Variants in KCNIP4 observed in about 807,000 individuals in gnomAD.
The protein encoded by KCNIP4 is potassium voltage-gated channel interacting protein 4.
In KCNIP4, 12 loss-of-function variants were observed where a neutral mutation model predicts 34.0. The ratio of observed to expected loss-of-function variants is 0.35; its 90% confidence interval spans 0.23 to 0.57. The LOEUF (loss-of-function observed/expected upper bound fraction) is 0.57, where lower values mean the gene tolerates loss of function less well. Among genes scored for constraint, KCNIP4 ranks in the 20% least tolerant of loss-of-function variants. KCNIP4 has a pLI of 0.83. For missense variants in KCNIP4, 238 were observed against 311.7 expected (o/e 0.76, Z 1.78); for synonymous variants, 124 against 102.2 (o/e 1.21, Z -1.29).
chr4:21,656,366 T>C (rs906656011), intron 1 of KCNIP4: 1 of 152,190 alleles, frequency 6.6e-6, no homozygotes, highest in Non-Finnish European at 1.5e-5. Flanking sequence ...TCTTCAATGA[T>C]CCTATATTCA....
chr4:21,199,511 T>C (rs1021317636), intron 1 of KCNIP4, among the ~76,000 whole-genome samples: 5 of 152,220 alleles, frequency 3.3e-5, no homozygotes, highest in Non-Finnish European at 7.3e-5. Context: ...TCTCCCATTC[T>C]ATAGGTTGCC....
chr4:21,259,023 C>T (rs1761273438), intron 1 of KCNIP4, among the ~76,000 whole-genome samples: 1 of 152,108 alleles, frequency 6.6e-6, no homozygotes, highest in Non-Finnish European at 1.5e-5. Flanking sequence ...ATGTGAAGGA[C>T]TTACTATTTT....
chr4:21,084,608 C>G, intron 1 of KCNIP4, among the ~76,000 whole-genome samples: 1 of 149,174 alleles, frequency 6.7e-6, no homozygotes, highest in East Asian at 2.0e-4. Context: ...TCCATTCTTA[C>G]TAGCTGGTAC....
chr4:20,903,658 T>C (rs1292697177), intron 1 of KCNIP4, among the ~76,000 whole-genome samples: 1 of 152,166 alleles, frequency 6.6e-6, no homozygotes, highest in Non-Finnish European at 1.5e-5. Flanking sequence ...ATTTGATTGA[T>C]GTCTAATGCC....
intron 1 of KCNIP4, among the ~76,000 whole-genome samples, chr4:21,495,109 T>C (rs1222939249): frequency 6.6e-6 from 1 of 152,192 alleles, no homozygotes; most frequent in Non-Finnish European, 1.5e-5. Flanking sequence ...CTGAACTCCA[T>C]ATCCATCCTT....
At chr4:20,936,610 G>A (rs1731092207) in intron 1 of KCNIP4, among the ~76,000 whole-genome samples, 1 of 151,922 alleles carries the variant, frequency 6.6e-6, no homozygotes, top group Non-Finnish European at 1.5e-5. Context: ...GGTTTACAAT[G>A]TCCATACTCA....
chr4:21,787,972 A>C (rs777438315), intron 1 of KCNIP4, among the ~76,000 whole-genome samples: 2 of 46,392 alleles, frequency 4.3e-5, no homozygotes, highest in Non-Finnish European at 1.1e-4. Context: ...GTAGGAGCAA[A>C]TGAATAAAAA....
intron 3 of KCNIP4, among the ~76,000 whole-genome samples, chr4:20,765,001 A>T (rs1466740709): frequency 6.6e-6 from 1 of 152,194 alleles, no homozygotes; most frequent in African/African-American, 2.4e-5. Flanking sequence ...GAGGACAATG[A>T]GCTTGGAGAG....
intron 1 of KCNIP4, among the ~76,000 whole-genome samples, chr4:21,840,208 C>A (rs1366995244): frequency 2.0e-5 from 3 of 151,432 alleles, no homozygotes; most frequent in African/African-American, 7.3e-5. Flanking sequence ...ATACTAGATA[C>A]AACTGTGCTG....
intron 1 of KCNIP4, among the ~76,000 whole-genome samples, chr4:21,412,979 T>C (rs540349724): frequency 6.6e-6 from 1 of 152,330 alleles, no homozygotes; most frequent in East Asian, 1.9e-4. Flanking sequence ...GCTTCACTGC[T>C]ATAAGCCAGA....
At chr4:20,879,084 T>G (rs1724391463) in intron 2 of KCNIP4, among the ~76,000 whole-genome samples, 1 of 152,094 alleles carries the variant, frequency 6.6e-6, no homozygotes, top group Admixed American at 6.6e-5. Context: ...TGGCTGTGCA[T>G]TCATCCGCAT....
chr4:21,694,957 TTTTTGG>T (rs1712144117), intron 1 of KCNIP4, among the ~76,000 whole-genome samples: 1 of 136,382 alleles, frequency 7.3e-6, no homozygotes, highest in Non-Finnish European at 1.6e-5. Flanking sequence ...AATAAAGGGC[TTTTTGG>T]TAAAAAGAAA....
At chr4:21,304,761 G>C (rs570703548) in intron 1 of KCNIP4, 2 of 152,240 alleles carry the variant, frequency 1.3e-5, no homozygotes, top group South Asian at 4.1e-4. Flanking sequence ...TCTGGTTTGA[G>C]TAGTAACTAT....
chr4:21,764,851 G>T (rs1718299577), intron 1 of KCNIP4, among the ~76,000 whole-genome samples: 1 of 152,094 alleles, frequency 6.6e-6, no homozygotes, highest in South Asian at 2.1e-4. Context: ...GAGGGGAGAT[G>T]TGGAGTGTAC....
At chr4:20,864,273 C>A (rs1343895864) in intron 2 of KCNIP4, among the ~76,000 whole-genome samples, 1 of 150,948 alleles carries the variant, frequency 6.6e-6, no homozygotes, top group Non-Finnish European at 1.5e-5. Flanking sequence ...TGTATGTACA[C>A]ATATGTATGC....
chr4:21,775,844 G>A (rs7695756), intron 1 of KCNIP4, among the ~76,000 whole-genome samples: 13,897 of 152,250 alleles, frequency 0.091, 673 homozygotes, highest in Middle Eastern at 0.18. Flanking sequence ...ATGGAAATGG[G>A]TGCCGCCCTT....
At chr4:21,877,046 A>T (rs1358774384) in intron 1 of KCNIP4, among the ~76,000 whole-genome samples, 1 of 152,084 alleles carries the variant, frequency 6.6e-6, no homozygotes, top group Non-Finnish European at 1.5e-5. Context: ...CAGATTTAAA[A>T]ATAGGTCCAT....
chr4:21,935,299 A>T (rs192742433), intron 1 of KCNIP4, among the ~76,000 whole-genome samples: 3 of 152,160 alleles, frequency 2.0e-5, no homozygotes, highest in Non-Finnish European at 1.5e-5. Flanking sequence ...TTTCATTTAC[A>T]TCAGACAAGA....
intron 1 of KCNIP4, among the ~76,000 whole-genome samples, chr4:21,580,529 T>A (rs1382544780): frequency 6.6e-6 from 1 of 152,128 alleles, no homozygotes; most frequent in East Asian, 1.9e-4. Flanking sequence ...CTACCGAATA[T>A]TGTTGCATCA....
Sources: allele counts gnomAD v4.1 joint callset (sites outside exome capture counted in the v4.1 genomes callset), GRCh38; gene constraint gnomAD v4.1.1; transcripts MANE v1.5; gene names NCBI Gene and HGNC (gene_info 2026-07-23, HGNC 2026-07-21).